The following MEGF8 variants were observed in gnomAD, a reference collection of about 807,000 sequenced individuals.
MEGF8 encodes multiple epidermal growth factor-like domains protein 8.
MEGF8 carries 156 observed loss-of-function variants against 302.9 expected under a neutral mutation model. The observed-to-expected ratio is 0.52, with a 90% CI of 0.45 to 0.59. The LOEUF (loss-of-function observed/expected upper bound fraction) is 0.59. Among genes scored for constraint, MEGF8 ranks in the 20% least tolerant of loss-of-function variants. The pLI is 0.00. For synonymous variants in MEGF8, 1,621 were observed against 1,660.5 expected (o/e 0.98, Z 0.58); for missense variants, 3,345 against 3,964.5 (o/e 0.84, Z 4.20).
At position 42,360,961 on chromosome 19, in the gene MEGF8, G is replaced by A. The variant is rs775787509; in HGVS notation, c.5675G>A (p.Cys1892Tyr). Residue 1892 changes from cysteine (C) to tyrosine (Y), a missense_variant, in exon 32 of 42, where the codon TGC becomes TAC. Transcript: ENST00000251268. ...GAAGCTTGTAACCAGTCTGGGGCCT[G>A]CACCTGGTGCCATGGGGCCTGCTTG... ...SPEACNQSGA[C>Y]TWCHGACLSG... is the part of the protein sequence containing the mutation. The A allele has an allele frequency of 5.7e-6, 9 of 1,584,708 alleles. No individual in the cohort carries two copies. Among genetic ancestry groups the A allele is most frequent in the Non-Finnish European group, 7.7e-6 (9 of 1,162,738 alleles).
chr19:42,353,234 C>A lies in MEGF8; in HGVS notation c.3550+107C>A. On this transcript the variant is annotated intron_variant, in intron 20 of 41. Coordinates refer to ENST00000251268, the MANE Select transcript of MEGF8 (RefSeq NM_001271938.2). This position sits in a 1 kb window ranked among gnomAD's most constrained non-coding sequence, Gnocchi z 6.1. ...GGGGCCTCAGTGTCCTCTCATGCAG[C>A]TCTAGGTCCCCTGCCCCATTCCTGT... is the stretch of plus-strand genomic sequence containing the variant. The A allele has an allele frequency of 1.8e-6, 2 of 1,128,520 alleles. No homozygotes were observed. The highest frequency in any genetic ancestry group is 2.6e-5 in the East Asian group (1 of 38,654). 69.9% of individuals were successfully genotyped at this position (1,128,520 alleles called of 1,614,324 possible). A position where few individuals can be genotyped will look rare whatever the true frequency, so the allele number is the denominator to read the frequency against.
intron 34 of MEGF8, 34 bp downstream of exon 34, chr19:42,362,631 C>T (rs922407700): frequency 2.5e-6 from 4 of 1,601,794 alleles, no homozygotes; most frequent in Non-Finnish European, 3.4e-6. Context: ...AGAGGGGAGT[C>T]TTGGGGCCTG....
rs757276600 is a variant in MEGF8, at chr19:42,353,787, C to T, written c.3774C>T (p.Ser1258=). The change falls in exon 22 of 42, where the codon TCC becomes TCT. Residue 1258 remains serine, a synonymous_variant. Transcript: ENST00000251268. This position sits in a 1 kb window ranked among gnomAD's most constrained non-coding sequence, Gnocchi z 6.1. ...GYYGDPRAGG[S]CFRECGGRAL... ...TCCATCTCCCCAGGGCCGGTGGTTC[C>T]TGCTTTCGGGAGTGTGGGGGTCGCG... 3 of 1,600,604 alleles carry T rather than the reference C, an allele frequency of 1.9e-6. No homozygotes were observed. Among genetic ancestry groups the T allele is most frequent in the East Asian group, 4.5e-5 (2 of 44,584 alleles).
intron 1 of MEGF8, among the ~76,000 whole-genome samples, chr19:42,330,103 G>A (rs1488994080): frequency 2.0e-5 from 3 of 151,854 alleles, no homozygotes; most frequent in Non-Finnish European, 4.4e-5. Flanking sequence ...CCACCATGCC[G>A]GGCTAATTTT....
Position 42,358,233 on chromosome 19 carries a change from C to G in MEGF8, c.5101C>G (p.Pro1701Ala), listed in dbSNP as rs2039480663. Residue 1701 changes from proline (P) to alanine (A), a missense_variant, in exon 29 of 42, where the codon CCA becomes GCA. Physicochemically the swap from Pro to Ala is conservative, Grantham distance 27 (BLOSUM62 -1). Transcript: ENST00000251268. The surrounding 1 kb of genome is among the most constrained non-coding windows in gnomAD (Gnocchi z 4.4). ...GFRFHVELAA[P>A]SPELYSLHCP... is the part of the protein sequence containing the mutation. ...CCGATTCCATGTGGAGCTGGCGGCC[C>G]CATCCCCCGAGCTCTACTCCCTGCA... The G allele has an allele frequency of 6.2e-7, 1 of 1,601,364 alleles. No homozygotes were observed. Among genetic ancestry groups the G allele is most frequent in the East Asian group, 2.3e-5 (1 of 43,974 alleles).
chr19:42,375,059 GC>G lies in MEGF8; in HGVS notation c.7270-446del. Among the ~76,000 whole-genome samples, 1 of 152,270 alleles carries G rather than the reference GC, an allele frequency of 6.6e-6. No homozygotes were observed. The highest frequency in any genetic ancestry group is 6.5e-5 in the Admixed American group (1 of 15,294). On this transcript the variant is annotated intron_variant, in intron 41 of 41. Transcript: ENST00000251268. This position sits in a 1 kb window ranked among gnomAD's most constrained non-coding sequence, Gnocchi z 7.1. ...GGCAGGCGAGGCTGGCTGACCCTGCGCCGAGTGCCATGCACATGATCTCAGT... is the reference window on the plus strand; with the variant it reads ...GGCAGGCGAGGCTGGCTGACCCTGCGCGAGTGCCATGCACATGATCTCAGT...
chr19:42,350,518 G>T, intron 15 of MEGF8, 134 bp downstream of exon 15: 1 of 786,612 alleles, frequency 1.3e-6, no homozygotes, highest in Non-Finnish European at 2.0e-6. Context: ...AGAGCCTGGT[G>T]GGGAGGGTGA....
Position 42,352,910 on chromosome 19 carries a change from C to T in MEGF8, c.3351-18C>T. The T allele has an allele frequency of 6.4e-7, 1 of 1,567,540 alleles. No individual in the cohort carries two copies. Among genetic ancestry groups the T allele is most frequent in the Non-Finnish European group, 8.7e-7 (1 of 1,155,456 alleles). On this transcript the variant is annotated intron_variant, in intron 19 of 41. Transcript: ENST00000251268. This position sits in a 1 kb window ranked among gnomAD's most constrained non-coding sequence, Gnocchi z 4.4. The stretch of plus-strand genomic sequence containing the variant: ...GGGCCTGCCTGGCGCTTTCCCCACC[C>T]CCAACACGGCCCCTCAGGTGCTTGG...
rs917980310 is a variant in MEGF8, at chr19:42,357,944, T to A, written c.5012-200T>A. Reference sequence around the variant, plus strand: ...GAGCCTGGCAGAACTTACTGCCAGTTGAGGACTCCCTTCTCTTTCCCAGAG... The same window carrying A: ...GAGCCTGGCAGAACTTACTGCCAGTAGAGGACTCCCTTCTCTTTCCCAGAG... On this transcript the variant is annotated intron_variant, in intron 28 of 41. Coordinates refer to ENST00000251268, the MANE Select transcript of MEGF8 (RefSeq NM_001271938.2). The surrounding 1 kb of genome is among the most constrained non-coding windows in gnomAD (Gnocchi z 5.2). Among the ~76,000 whole-genome samples, 3 of 152,170 alleles carry A rather than the reference T, an allele frequency of 2.0e-5. No individual in the cohort carries two copies. The highest frequency in any genetic ancestry group is 4.4e-5 in the Non-Finnish European group (3 of 68,016).
Position 42,333,754 on chromosome 19 carries a change from G to A in MEGF8, c.337G>A (p.Ala113Thr), listed in dbSNP as rs188320625. Residue 113 changes from alanine to threonine, a missense_variant, in exon 2 of 42, where the codon GCT (alanine) becomes ACT (threonine). Transcript: ENST00000251268. ...GAGCACCCGACCTCCGCCCATCGAA[G>A]CTTCCTCAGGCAAGGTTAGTGGGGA... ...SGSTRPPPIEASSGKMLLHLF... is the reference protein window; with the variant it reads ...SGSTRPPPIETSSGKMLLHLF... The A allele has an allele frequency of 3.1e-6, 5 of 1,613,888 alleles. No homozygotes were observed. The African/African-American group carries it at 5.3e-5, about 17-fold the overall frequency.
In MEGF8 at chr19:42,363,071, G is replaced by A. The variant is rs1420277864; in HGVS notation, c.6082G>A (p.Val2028Met). ...AGGGGAGACCCGCCGCATCCTCTCC[G>A]TGCAGCCCACCTATGACTGGACGTG... ...RTGETRRILS[V>M]QPTYDWTCFS... is the part of the protein sequence containing the mutation. Residue 2028 changes from valine to methionine, a missense_variant, in exon 35 of 42, where the codon GTG becomes ATG. Physicochemically the swap from Val to Met is conservative, Grantham distance 21. Coordinates refer to ENST00000251268, the MANE Select transcript of MEGF8 (RefSeq NM_001271938.2). 1.9e-6 allele frequency: 3 copies of A among 1,613,054 alleles called. No individual in the cohort carries two copies. Among genetic ancestry groups the A allele is most frequent in the Non-Finnish European group, 2.5e-6 (3 of 1,179,546 alleles).
Position 42,326,453 on chromosome 19 carries a change from C to T in MEGF8, c.187+23C>T, listed in dbSNP as rs776992105. 3.3e-5 allele frequency: 49 copies of T among 1,506,410 alleles called. No homozygotes were observed. The Admixed American group carries it at 9.6e-4, about 29-fold the overall frequency. The allele number at this position is 1,506,410 out of a possible 1,614,324, so 93.3% of individuals were successfully genotyped here. ...AGGGTGAGTGGGGCCGCGTGGGTCA[C>T]TCACTAATTCGCTGGTAGTTCATTC... On this transcript the variant is annotated intron_variant, in intron 1 of 41. Transcript: ENST00000251268.
In MEGF8 at chr19:42,327,966, G is replaced by A. The variant is rs541893516; in HGVS notation, c.187+1536G>A. Among the ~76,000 whole-genome samples, 4 of 152,264 alleles carry A rather than the reference G, an allele frequency of 2.6e-5. No homozygotes were observed. In the South Asian group the frequency reaches 6.2e-4, roughly 24 times the overall value. On this transcript the variant is annotated intron_variant, in intron 1 of 41. Coordinates refer to ENST00000251268, the MANE Select transcript of MEGF8 (RefSeq NM_001271938.2). ...AAAAATTAGCTGGGTGTGATGGCGCGCGCCTGTAGTCCCAGCTTCTCAGGA... is the reference window on the plus strand; with the variant it reads ...AAAAATTAGCTGGGTGTGATGGCGCACGCCTGTAGTCCCAGCTTCTCAGGA...
Position 42,358,096 on chromosome 19 carries a change from G to A in MEGF8, c.5012-48G>A, listed in dbSNP as rs1482511535. The A allele has an allele frequency of 5.5e-6, 8 of 1,467,096 alleles. No individual in the cohort carries two copies. Among genetic ancestry groups the A allele is most frequent in the African/African-American group, 1.4e-5 (1 of 69,244 alleles). 90.9% of individuals were successfully genotyped at this position (1,467,096 alleles called of 1,614,324 possible). A position where few individuals can be genotyped will look rare whatever the true frequency, so the allele number is the denominator to read the frequency against. The stretch of plus-strand genomic sequence containing the variant: ...GGGGACCGGGAGGTCGGCGGGGTCA[G>A]TGCTGTTGTCAGCCCCTCCCCCAGC... On this transcript the variant is annotated intron_variant, in intron 28 of 41. Coordinates refer to ENST00000251268, the MANE Select transcript of MEGF8 (RefSeq NM_001271938.2). This position sits in a 1 kb window ranked among gnomAD's most constrained non-coding sequence, Gnocchi z 4.4.
In MEGF8 at chr19:42,369,432, C is replaced by T; in HGVS notation, c.6642-99C>T. 1 of 1,273,356 alleles carries T rather than the reference C, an allele frequency of 7.9e-7. No individual in the cohort carries two copies. Among genetic ancestry groups the T allele is most frequent in the Admixed American group, 2.0e-5 (1 of 49,584 alleles). 78.9% of individuals were successfully genotyped at this position (1,273,356 alleles called of 1,614,324 possible). On this transcript the variant is annotated intron_variant, in intron 37 of 41. Transcript: ENST00000251268. This position sits in a 1 kb window ranked among gnomAD's most constrained non-coding sequence, Gnocchi z 5.7. ...AGCAACGGGACAGAGCAGGGATGAGCAACCAGTTGAGAAGAGGGTGGGGTA... is the reference window on the plus strand; with the variant it reads ...AGCAACGGGACAGAGCAGGGATGAGTAACCAGTTGAGAAGAGGGTGGGGTA...
In MEGF8 at chr19:42,370,748, C is replaced by T. The variant is rs28483598; in HGVS notation, c.7053C>T (p.Cys2351=). 3.4e-3 allele frequency: 5,390 copies of T among 1,581,566 alleles called. 130 individuals carry two copies. The African/African-American group carries it at 0.056, about 16-fold the overall frequency. The change falls in exon 40 of 42, where the codon TGC becomes TGT. Residue 2351 remains cysteine (C), a synonymous_variant. Coordinates refer to ENST00000251268, the MANE Select transcript of MEGF8 (RefSeq NM_001271938.2). ...TEGPSEDEAV[C]VNCQNNSYGE... is the part of the protein sequence containing the mutation. The stretch of plus-strand genomic sequence containing the variant: ...GTCCTAGTGAAGACGAGGCCGTGTG[C>T]GTGAACTGCCAGAATAACAGCTATG...
In MEGF8 at chr19:42,326,048, C is replaced by T. The variant is rs1186938809; in HGVS notation, c.-196C>T. The T allele has an allele frequency of 3.4e-6, 3 of 893,016 alleles. No individual in the cohort carries two copies. The African/African-American group carries it at 5.3e-5, about 16-fold the overall frequency. 55.3% of individuals were successfully genotyped at this position (893,016 alleles called of 1,614,324 possible). On this transcript the variant is annotated 5_prime_UTR_variant, in exon 1 of 42. Transcript: ENST00000251268. ...GGGCCTTCCATCGCTCTATAGGGCT[C>T]AGCCCTCGGCTTCCAGAGCCTGTCA...
In MEGF8 at chr19:42,378,083, C is replaced by T. The variant is rs2147522976; in HGVS notation, c.*1308C>T. On this transcript the variant is annotated 3_prime_UTR_variant, in exon 42 of 42. Transcript: ENST00000251268. ...AGGAAGATCAGAGTCTGGTTCTTGACATGAGATGCCCTTCAGACATCTCTT... is the reference window on the plus strand; with the variant it reads ...AGGAAGATCAGAGTCTGGTTCTTGATATGAGATGCCCTTCAGACATCTCTT... 6.6e-6 allele frequency: 1 copy of T among 152,282 alleles called. No homozygotes were observed. Among genetic ancestry groups the T allele is most frequent in the Non-Finnish European group, 1.5e-5 (1 of 68,026 alleles). The allele number at this position is 152,282 out of a possible 1,614,324, so 9.4% of individuals were successfully genotyped here.
In MEGF8 at chr19:42,357,485, G is replaced by A. The variant is rs757795832; in HGVS notation, c.4912G>A (p.Gly1638Ser). Residue 1638 changes from glycine to serine, a missense_variant, in exon 28 of 42, where the codon GGT becomes AGT. By Grantham distance (56) the Gly-to-Ser change is moderately conservative. Coordinates refer to ENST00000251268, the MANE Select transcript of MEGF8 (RefSeq NM_001271938.2). The surrounding 1 kb of genome is among the most constrained non-coding windows in gnomAD (Gnocchi z 5.2). ...AGGCCTGTCTCTGCTCCTGGTGGGCGGTTACTCCCCGGAAAATGGCTTCAA... is the reference window on the plus strand; with the variant it reads ...AGGCCTGTCTCTGCTCCTGGTGGGCAGTTACTCCCCGGAAAATGGCTTCAA... ...RRGLSLLLVG[G>S]YSPENGFNQQ... 2 of 1,613,768 alleles carry A rather than the reference G, an allele frequency of 1.2e-6. No homozygotes were observed. The highest frequency in any genetic ancestry group is 1.3e-5 in the African/African-American group (1 of 74,998).
Sources: gnomAD v4.1 joint callset for allele counts (sites outside exome capture counted in the v4.1 genomes callset) on GRCh38, gnomAD v4.1.1 for gene constraint, Gnocchi (gnomAD v3.1) non-coding constraint, MANE v1.5 for transcripts, NCBI Gene and HGNC (gene_info 2026-07-23, HGNC 2026-07-21) for gene names.